NKAIN3: variants seen among roughly 807,000 people sequenced by gnomAD.
NKAIN3 encodes sodium/potassium transporting ATPase interacting 3, also known as sodium/potassium-transporting ATPase subunit beta-1-interacting protein 3.
A neutral mutation model predicts 30.2 loss-of-function variants in NKAIN3; 25 were observed. The observed-to-expected ratio is 0.83, with a 90% CI of 0.60 to 1.16. NKAIN3 has a LOEUF of 1.16. NKAIN3 is among the 50% of genes most tolerant of loss of function. NKAIN3 has a pLI of 0.00. For missense variants in NKAIN3, 225 were observed against 254.1 expected, an observed-to-expected ratio of 0.89 and a Z score of 0.78; for synonymous variants, 91 against 89.6, an observed-to-expected ratio of 1.02 and a Z score of -0.09.
intron 3 of NKAIN3, among the ~76,000 whole-genome samples, chr8:62,593,607 G>T (rs1425587386): frequency 6.6e-6 from 1 of 151,728 alleles, no homozygotes; most frequent in African/African-American, 2.4e-5. Context: ...CATAACTACA[G>T]ATTCAACAGA....
chr8:62,694,486 G>T (rs1188337011), intron 3 of NKAIN3, among the ~76,000 whole-genome samples: 1 of 152,154 alleles, frequency 6.6e-6, no homozygotes, highest in Non-Finnish European at 1.5e-5. Context: ...TCAGTCATAT[G>T]TGGGAGCCAA....
At chr8:62,282,412 T>A (rs1237354638) in intron 1 of NKAIN3, among the ~76,000 whole-genome samples, 2 of 152,064 alleles carry the variant, frequency 1.3e-5, no homozygotes, top group Admixed American at 6.6e-5. Flanking sequence ...ACCCAAAAAT[T>A]TTCTAGGGAA....
chr8:62,296,148 T>C (rs1445106607), intron 1 of NKAIN3, among the ~76,000 whole-genome samples: 2 of 151,886 alleles, frequency 1.3e-5, no homozygotes, highest in African/African-American at 2.4e-5. Flanking sequence ...AAAAGAAGAG[T>C]TGTTAAGGAG....
chr8:62,757,190 A>G (rs1257068048), intron 4 of NKAIN3, among the ~76,000 whole-genome samples: 1 of 152,208 alleles, frequency 6.6e-6, no homozygotes, highest in African/African-American at 2.4e-5. Context: ...TACTTGGGAT[A>G]ATTTAATGTC....
chr8:62,261,386 A>G (rs1812435704), intron 1 of NKAIN3, among the ~76,000 whole-genome samples: 1 of 152,200 alleles, frequency 6.6e-6, no homozygotes, highest in South Asian at 2.1e-4. Flanking sequence ...AATGATTCAG[A>G]ACTGATAATG....
intron 3 of NKAIN3, among the ~76,000 whole-genome samples, chr8:62,638,939 T>G (rs1282664238): frequency 6.6e-6 from 1 of 152,206 alleles, no homozygotes; most frequent in Non-Finnish European, 1.5e-5. Context: ...TGTTCTAAAC[T>G]AATTCAGACT....
At chr8:62,965,041 G>A (rs180983522) in intron 6 of NKAIN3, among the ~76,000 whole-genome samples, 46 of 152,144 alleles carry the variant, frequency 3.0e-4, no homozygotes, top group African/African-American at 7.2e-4. Context: ...CATAGTTTGC[G>A]CACACAACAC....
rs549059129 is a variant in NKAIN3, at chr8:62,460,269, G to A, written c.55-119270G>A. 3.8e-4 allele frequency among the ~76,000 whole-genome samples: 58 copies of A among 151,940 alleles called. No individual in the cohort carries two copies. The East Asian group carries it at 4.7e-3, about 12-fold the overall frequency. On this transcript the variant is annotated intron_variant, in intron 1 of 6. Transcript: ENST00000623646. ...TCTACTAAAAATACAAAAATTAGCCGGGTGTGGTGGCAGGTGCCTGTAATC... is the reference window on the plus strand; with the variant it reads ...TCTACTAAAAATACAAAAATTAGCCAGGTGTGGTGGCAGGTGCCTGTAATC...
At chr8:62,605,163 G>T (rs1168036093) in intron 3 of NKAIN3, among the ~76,000 whole-genome samples, 1 of 152,082 alleles carries the variant, frequency 6.6e-6, no homozygotes, top group African/African-American at 2.4e-5. Flanking sequence ...TCTTCTGTGG[G>T]TCAGAAGTCT....
chr8:62,731,520 A>G (rs1263288237), intron 3 of NKAIN3, among the ~76,000 whole-genome samples: 1 of 152,112 alleles, frequency 6.6e-6, no homozygotes, highest in African/African-American at 2.4e-5. Flanking sequence ...CCCTGTTTTC[A>G]TCCCCTTGAC....
intron 1 of NKAIN3, among the ~76,000 whole-genome samples, chr8:62,540,258 T>C (rs1227120808): frequency 1.3e-5 from 2 of 152,206 alleles, no homozygotes; most frequent in Non-Finnish European, 2.9e-5. Flanking sequence ...TTTAGCTTTA[T>C]ACAATTCACT....
intron 1 of NKAIN3, among the ~76,000 whole-genome samples, chr8:62,458,305 T>C (rs1805882385): frequency 6.6e-6 from 1 of 152,196 alleles, no homozygotes; most frequent in South Asian, 2.1e-4. Context: ...AAGAAAGTTA[T>C]ATAAGATGGA....
intron 1 of NKAIN3, among the ~76,000 whole-genome samples, chr8:62,262,844 A>G (rs1236194487): frequency 6.6e-6 from 1 of 152,218 alleles, no homozygotes; most frequent in African/African-American, 2.4e-5. Flanking sequence ...TGGCTCAACC[A>G]AAAGTGTCTT....
intron 6 of NKAIN3, among the ~76,000 whole-genome samples, chr8:62,962,211 G>T (rs576347364): frequency 6.6e-6 from 1 of 152,166 alleles, no homozygotes; most frequent in East Asian, 1.9e-4. Flanking sequence ...AGACACTTAA[G>T]TAAAAATACT....
chr8:62,863,394 G>A lies in NKAIN3; in HGVS notation c.472-55059G>A, dbSNP rs535259052. The A allele has an allele frequency of 5.7e-5, 88 of 1,545,980 alleles. No individual in the cohort carries two copies. In the African/African-American group the frequency reaches 9.8e-4, roughly 17 times the overall value. Reference sequence around the variant, plus strand: ...CATATGCATCATCCATACACATCAAGATGTTTTGCGGCTTTATGTCAGTAT... The same window carrying A: ...CATATGCATCATCCATACACATCAAAATGTTTTGCGGCTTTATGTCAGTAT... On this transcript the variant is annotated intron_variant, in intron 4 of 6. Coordinates refer to ENST00000623646, the MANE Select transcript of NKAIN3 (RefSeq NM_001304533.3).
At chr8:62,362,241 T>TAGG (rs1162458419) in intron 1 of NKAIN3, among the ~76,000 whole-genome samples, 1 of 152,170 alleles carries the variant, frequency 6.6e-6, no homozygotes, top group African/African-American at 2.4e-5. Context: ...TAAAACAGAA[T>TAGG]AGGAGCCCCA....
At chr8:62,796,383 C>CA (rs71255362) in intron 4 of NKAIN3, among the ~76,000 whole-genome samples, 22,469 of 53,542 alleles carry the variant, frequency 0.42, 8,674 homozygotes, top group Non-Finnish European at 0.55. Flanking sequence ...GACTCTGTCT[C>CA]AAAAAAAAAA....
intron 1 of NKAIN3, among the ~76,000 whole-genome samples, chr8:62,518,014 G>A (rs1436695261): frequency 2.6e-5 from 4 of 152,048 alleles, no homozygotes; most frequent in Admixed American, 6.6e-5. Context: ...TTCAGCCAAG[G>A]AAGTTAATTG....
At chr8:62,965,229 T>C in intron 6 of NKAIN3, 125 bp from the exon 7 acceptor site, 1 of 876,044 alleles carries the variant, frequency 1.1e-6, no homozygotes, top group Non-Finnish European at 1.4e-6. Flanking sequence ...TTCTTATTGC[T>C]ACAGTCAGAC....
Sources: gnomAD v4.1 joint callset for allele counts (sites outside exome capture counted in the v4.1 genomes callset) on GRCh38, gnomAD v4.1.1 for gene constraint, MANE v1.5 for transcripts, NCBI Gene and HGNC (gene_info 2026-07-23, HGNC 2026-07-21) for gene names.